Variants in ZNF608 observed in about 807,000 individuals in gnomAD.
The protein encoded by ZNF608 is renal carcinoma antigen NY-REN-36.
In ZNF608, 12 loss-of-function variants were observed where a neutral mutation model predicts 109.0. The observed-to-expected ratio is 0.11, with a 90% CI of 0.07 to 0.18. The LOEUF is 0.18. Among genes scored for constraint, ZNF608 ranks in the 10% least tolerant of loss-of-function variants. The pLI, the probability that ZNF608 is intolerant of heterozygous loss-of-function variation, is 1.00. For missense variants in ZNF608, 1,707 were observed against 1,879.3 expected (o/e 0.91, Z 1.70); for synonymous variants, 732 against 717.4 (o/e 1.02, Z -0.33).
chr5:124,664,762 A>T (rs1580573596), intron 3 of ZNF608, among the ~76,000 whole-genome samples: 1 of 152,180 alleles, frequency 6.6e-6, no homozygotes, highest in Admixed American at 6.5e-5. Flanking sequence ...TTTATAAATA[A>T]CACAGTGTCA....
intron 2 of ZNF608, chr5:124,734,641 A>G (rs1749062022): frequency 6.6e-6 from 1 of 152,234 alleles, no homozygotes; most frequent in Non-Finnish European, 1.5e-5. Context: ...TTGGGTACAC[A>G]TTAATGCCCA....
chr5:124,747,651 G>A (rs527537380), upstream of ZNF608, among the ~76,000 whole-genome samples: 143 of 147,838 alleles, frequency 9.7e-4, 1 homozygote, highest in African/African-American at 3.4e-3. Flanking sequence ...CCCCCCCGCA[G>A]TGGGCGAAGC....
At chr5:124,666,644 G>A (rs1751491127) in intron 3 of ZNF608, among the ~76,000 whole-genome samples, 1 of 151,900 alleles carries the variant, frequency 6.6e-6, no homozygotes, top group African/African-American at 2.4e-5. Context: ...AGCCCTGGAA[G>A]ATTAGTAACT....
chr5:124,698,122 C>T (rs1218016956), intron 3 of ZNF608, among the ~76,000 whole-genome samples: 1 of 152,126 alleles, frequency 6.6e-6, no homozygotes, highest in Non-Finnish European at 1.5e-5. Flanking sequence ...GCTTACTCTC[C>T]CCTCCCCTTC....
intron 3 of ZNF608, among the ~76,000 whole-genome samples, chr5:124,658,521 C>T (rs1278349182): frequency 1.3e-5 from 2 of 152,228 alleles, no homozygotes; most frequent in African/African-American, 4.8e-5. Flanking sequence ...GCAACAGCAT[C>T]ACTCTGATTT....
intron 3 of ZNF608, among the ~76,000 whole-genome samples, chr5:124,671,252 A>G (rs897618601): frequency 6.6e-6 from 1 of 152,200 alleles, no homozygotes; most frequent in African/African-American, 2.4e-5. Flanking sequence ...CTCTAACTAA[A>G]TAGTCAGAAA....
intron 3 of ZNF608, among the ~76,000 whole-genome samples, chr5:124,655,743 C>T (rs1463545959): frequency 1.3e-5 from 2 of 152,198 alleles, no homozygotes; most frequent in Non-Finnish European, 2.9e-5. Flanking sequence ...TCAGGACTCC[C>T]TCCCCCCATT....
At position 124,746,477 on chromosome 5, in the gene ZNF608, T is replaced by C. The variant is rs1749644139; in HGVS notation, c.-466A>G. 3 of 985,332 alleles carry C rather than the reference T, an allele frequency of 3.0e-6. No homozygotes were observed. The highest frequency in any genetic ancestry group is 2.4e-6 in the Non-Finnish European group (2 of 829,902). The allele number at this position is 985,332 out of a possible 1,614,324, so 61.0% of individuals were successfully genotyped here. ...TCACAACAGAAGCACCAAAGGTTTT[T>C]TTTTCCTCTTAACAAGCATCGAGAA... On this transcript the variant is annotated 5_prime_UTR_variant, in exon 1 of 10. Coordinates refer to ENST00000513986, the MANE Select transcript of ZNF608 (RefSeq NM_020747.3).
rs1749635609 is a variant in ZNF608 at position 124,746,205 on chromosome 5, T to G, written c.-194A>C. On this transcript the variant is annotated 5_prime_UTR_variant, in exon 1 of 10. Transcript: ENST00000513986. ...ACAGACATTGCTTACCTTTTAATCC[T>G]TTATCATTTTTTAATTAGGCCAGCA... 2 of 985,394 alleles carry G rather than the reference T, an allele frequency of 2.0e-6. No individual in the cohort carries two copies. The highest frequency in any genetic ancestry group is 9.4e-5 in the South Asian group (2 of 21,286). The allele number at this position is 985,394 out of a possible 1,614,324, so 61.0% of individuals were successfully genotyped here.
intron 9 of ZNF608, among the ~76,000 whole-genome samples, 189 bp from the exon 10 acceptor site, chr5:124,638,095 C>T (rs2149777574): frequency 6.6e-6 from 1 of 152,198 alleles, no homozygotes; most frequent in Middle Eastern, 3.4e-3. Context: ...GGATTATAGG[C>T]ATGTGCCACC....
rs142185645 is a variant in ZNF608, at chr5:124,688,975, A to G, written c.1162+12039T>C. On this transcript the variant is annotated intron_variant, in intron 3 of 9. Coordinates refer to ENST00000513986, the MANE Select transcript of ZNF608 (RefSeq NM_020747.3). ...TATAAGGTTAATATACAAAAAGTCA[A>G]TCAATTTCCTATACACCAATAATAA... 9.8e-5 allele frequency among the ~76,000 whole-genome samples: 15 copies of G among 152,370 alleles called. 1 individual carries two copies. Among genetic ancestry groups the G allele is most frequent in the African/African-American group, 3.6e-4 (15 of 41,592 alleles).
chr5:124,698,025 G>A (rs926323033), intron 3 of ZNF608, among the ~76,000 whole-genome samples: 1 of 152,120 alleles, frequency 6.6e-6, no homozygotes, highest in African/African-American at 2.4e-5. Context: ...CCATCTACAG[G>A]ACATTAGTCA....
chr5:124,728,832 C>T lies in ZNF608; in HGVS notation c.906+15252G>A, dbSNP rs544320310. Among the ~76,000 whole-genome samples, 11 of 152,254 alleles carry T rather than the reference C, an allele frequency of 7.2e-5. No individual in the cohort carries two copies. The East Asian group carries it at 2.1e-3, about 29-fold the overall frequency. ...ATAAACCCCACCCACTTAAACAATG[C>T]GGACTTTATCAACAGCCCCATAACC... On this transcript the variant is annotated intron_variant, in intron 2 of 9. Coordinates refer to ENST00000513986, the MANE Select transcript of ZNF608 (RefSeq NM_020747.3).
chr5:124,731,008 A>T (rs1254686036), intron 2 of ZNF608, among the ~76,000 whole-genome samples: 1 of 152,228 alleles, frequency 6.6e-6, no homozygotes, highest in Non-Finnish European at 1.5e-5. Flanking sequence ...GCTGTCACAA[A>T]TATTAAGAGA....
intron 3 of ZNF608, among the ~76,000 whole-genome samples, chr5:124,656,541 C>T (rs1159585812): frequency 6.6e-6 from 1 of 152,050 alleles, no homozygotes; most frequent in Non-Finnish European, 1.5e-5. Flanking sequence ...AGAGGTTAAT[C>T]TGAACACAGA....
upstream of ZNF608, chr5:124,748,612 T>C: frequency 1.0e-6 from 1 of 974,676 alleles, no homozygotes; most frequent in Non-Finnish European, 1.2e-6. Flanking sequence ...TTTTGGAAAT[T>C]ATAATCTCTT....
chr5:124,705,949 C>T (rs572789623), intron 2 of ZNF608, among the ~76,000 whole-genome samples: 4 of 152,340 alleles, frequency 2.6e-5, no homozygotes, highest in Non-Finnish European at 4.4e-5. Flanking sequence ...TGCCAGGCAC[C>T]GTGCAACCTG....
chr5:124,707,236 G>A (rs777734891), intron 2 of ZNF608, among the ~76,000 whole-genome samples: 3 of 152,120 alleles, frequency 2.0e-5, no homozygotes, highest in Non-Finnish European at 2.9e-5. Context: ...GTGCTCCCTC[G>A]AGCACTCCTG....
At chr5:124,700,395 C>T (rs974261227) in intron 3 of ZNF608, among the ~76,000 whole-genome samples, 5 of 152,240 alleles carry the variant, frequency 3.3e-5, no homozygotes, top group African/African-American at 9.6e-5. Context: ...TCCTTTGAAC[C>T]TTGTTTCTCT....
Sources: gnomAD v4.1 joint callset for allele counts (sites outside exome capture counted in the v4.1 genomes callset) on GRCh38, gnomAD v4.1.1 for gene constraint, MANE v1.5 for transcripts, NCBI Gene and HGNC (gene_info 2026-07-23, HGNC 2026-07-21) for gene names.